ZNF366: variants seen among roughly 807,000 people sequenced by gnomAD.
ZNF366 encodes the protein zinc finger protein 366.
A neutral mutation model predicts 47.2 loss-of-function variants in ZNF366; 20 were observed. The ratio of observed to expected loss-of-function variants is 0.42; its 90% CI spans 0.30 to 0.62. The LOEUF (loss-of-function observed/expected upper bound fraction) is 0.62. Among genes scored for constraint, ZNF366 ranks in the 20% least tolerant of loss-of-function variants. ZNF366 has a pLI of 0.16. For missense variants in ZNF366, 987 were observed against 976.3 expected, an observed-to-expected ratio of 1.01 and a Z score of -0.15; for synonymous variants, 421 against 395.1, an observed-to-expected ratio of 1.07 and a Z score of -0.78.
At chr5:72,480,155 T>C (rs113275091) in intron 1 of ZNF366, among the ~76,000 whole-genome samples, 1 of 152,186 alleles carries the variant, frequency 6.6e-6, no homozygotes, top group Admixed American at 6.5e-5. Context: ...AAGGACATTT[T>C]CCAAATCAGT....
intron 1 of ZNF366, among the ~76,000 whole-genome samples, chr5:72,484,498 T>A (rs75077057): frequency 0.38 from 49,739 of 129,382 alleles, 9,180 homozygotes; most frequent in East Asian, 0.45. Flanking sequence ...AAAAAAAAAA[T>A]AATAATAATA....
chr5:72,489,178 C>G (rs776071544), intron 1 of ZNF366, among the ~76,000 whole-genome samples: 1 of 151,696 alleles, frequency 6.6e-6, no homozygotes, highest in Non-Finnish European at 1.5e-5. Flanking sequence ...GAGCTCAAGA[C>G]CAGCCTAAGC....
At chr5:72,458,534 T>A (rs552531673) in intron 2 of ZNF366, among the ~76,000 whole-genome samples, 27 of 152,270 alleles carry the variant, frequency 1.8e-4, no homozygotes, top group African/African-American at 5.5e-4. Flanking sequence ...TCTGATAGGA[T>A]CAGTGGAATC....
intron 1 of ZNF366, among the ~76,000 whole-genome samples, chr5:72,470,838 G>C (rs1021369486): frequency 4.6e-5 from 7 of 152,164 alleles, no homozygotes; most frequent in Admixed American, 3.9e-4. Flanking sequence ...GCAGGGACTG[G>C]GGTAGTGCTC....
chr5:72,492,006 A>C (rs566592073), intron 1 of ZNF366, among the ~76,000 whole-genome samples: 2 of 152,284 alleles, frequency 1.3e-5, no homozygotes, highest in South Asian at 4.2e-4. Flanking sequence ...AAAATTAGAG[A>C]GTGTGCAAAG....
chr5:72,456,741 T>G (rs1743194450), intron 2 of ZNF366, 146 bp from the exon 3 acceptor site: 2 of 769,836 alleles, frequency 2.6e-6, no homozygotes, highest in Admixed American at 3.1e-5. Flanking sequence ...AGCTTCAGCC[T>G]TGTTAAATTA....
rs1485657093 is a variant in ZNF366 at position 72,441,049 on chromosome 5, TC to T, written c.*2706del. On this transcript the variant is annotated 3_prime_UTR_variant, in exon 5 of 5. Coordinates refer to ENST00000318442, the MANE Select transcript of ZNF366 (RefSeq NM_152625.3). ...GGGTGTGGGAGTTGAGAGCTTCTCC[TC>T]CCCTTACCACTCTTCAGAGGCCTAA... 2 of 152,256 alleles carry T rather than the reference TC, an allele frequency of 1.3e-5. No homozygotes were observed. The highest frequency in any genetic ancestry group is 4.8e-5 in the African/African-American group (2 of 41,532). The allele number at this position is 152,256 out of a possible 1,614,324, so 9.4% of individuals were successfully genotyped here. A position where few individuals can be genotyped will look rare whatever the true frequency, so the allele number is the denominator to read the frequency against.
chr5:72,462,803 G>C (rs1025006964), intron 1 of ZNF366, among the ~76,000 whole-genome samples: 1 of 152,010 alleles, frequency 6.6e-6, no homozygotes, highest in Admixed American at 6.6e-5. Flanking sequence ...CACCCGCCTC[G>C]GCCTCCCACA....
At chr5:72,465,048 A>T (rs1743402269) in intron 1 of ZNF366, among the ~76,000 whole-genome samples, 1 of 152,058 alleles carries the variant, frequency 6.6e-6, no homozygotes, top group South Asian at 2.1e-4. Flanking sequence ...ACAGAGCAAG[A>T]CTCTGTCTAA....
chr5:72,479,400 T>G (rs1318357659), intron 1 of ZNF366, among the ~76,000 whole-genome samples: 1 of 151,776 alleles, frequency 6.6e-6, no homozygotes, highest in African/African-American at 2.4e-5. Flanking sequence ...CTGTCTCTAT[T>G]TATTAAAAAA....
At chr5:72,478,626 T>C (rs1043234416) in intron 1 of ZNF366, among the ~76,000 whole-genome samples, 2 of 152,224 alleles carry the variant, frequency 1.3e-5, no homozygotes, top group African/African-American at 4.8e-5. Flanking sequence ...TATTTATTTT[T>C]ACCCCTAGAA....
intron 1 of ZNF366, chr5:72,472,517 TG>T: frequency 2.0e-6 from 2 of 985,060 alleles, no homozygotes; most frequent in South Asian, 9.4e-5. Flanking sequence ...AGGAAGAATT[TG>T]GGGACTTGCA....
intron 2 of ZNF366, 53 bp from the exon 3 acceptor site, chr5:72,456,648 A>G: frequency 6.6e-7 from 1 of 1,507,410 alleles, no homozygotes; most frequent in Non-Finnish European, 9.0e-7. Flanking sequence ...ACATGCTTTC[A>G]TCAGGATCAT....
intron 4 of ZNF366, among the ~76,000 whole-genome samples, chr5:72,445,318 C>T (rs752293537): frequency 2.0e-5 from 3 of 151,818 alleles, no homozygotes; most frequent in Admixed American, 6.6e-5. Flanking sequence ...GGAGGAGCAA[C>T]AGGAAGGGAG....
rs116988758 is a variant in ZNF366 at position 72,503,243 on chromosome 5, G to A, written c.-15+4008C>T. 2.7e-4 allele frequency among the ~76,000 whole-genome samples: 41 copies of A among 152,256 alleles called. No homozygotes were observed. In the East Asian group the frequency reaches 7.9e-3, roughly 29 times the overall value. On this transcript the variant is annotated intron_variant, in intron 1 of 4. Coordinates refer to ENST00000318442, the MANE Select transcript of ZNF366 (RefSeq NM_152625.3). The stretch of plus-strand genomic sequence containing the variant: ...ATCATCAGATTGCTCAACCGGCTAG[G>A]ACATTCCTTATTCCATAATACTAAT...
At chr5:72,492,287 T>G (rs1025631953) in intron 1 of ZNF366, among the ~76,000 whole-genome samples, 2 of 152,058 alleles carry the variant, frequency 1.3e-5, no homozygotes, top group Non-Finnish European at 2.9e-5. Context: ...AGAAAATGGG[T>G]CTTACTTTAG....
chr5:72,494,814 T>C (rs980843681), intron 1 of ZNF366, among the ~76,000 whole-genome samples: 9 of 152,186 alleles, frequency 5.9e-5, no homozygotes, highest in African/African-American at 2.2e-4. Flanking sequence ...CAACTCATTT[T>C]TGTCGAATGA....
intron 3 of ZNF366, among the ~76,000 whole-genome samples, chr5:72,452,859 C>T (rs1743101606): frequency 6.6e-6 from 1 of 152,178 alleles, no homozygotes; most frequent in African/African-American, 2.4e-5. Flanking sequence ...GGCTCCAAAT[C>T]AACCCCTGTG....
rs1330631413 is a variant in ZNF366, at chr5:72,457,551, G to A, written c.1333-956C>T. ...TGGTATTCATAGTGGCTGAAGGAGGGAAGGAGGGATTCCAAGCTCATCTCT... is the reference window on the plus strand; with the variant it reads ...TGGTATTCATAGTGGCTGAAGGAGGAAAGGAGGGATTCCAAGCTCATCTCT... On this transcript the variant is annotated intron_variant, in intron 2 of 4. Transcript: ENST00000318442. Among the ~76,000 whole-genome samples the A allele has an allele frequency of 2.6e-5, 4 of 152,190 alleles. No homozygotes were observed. In the East Asian group the frequency reaches 7.7e-4, roughly 29 times the overall value.
Sources: gnomAD v4.1 joint callset for allele counts (sites outside exome capture counted in the v4.1 genomes callset) on GRCh38, gnomAD v4.1.1 for gene constraint, MANE v1.5 for transcripts, NCBI Gene and HGNC (gene_info 2026-07-23, HGNC 2026-07-21) for gene names.